The following MEIS1 variants were observed in gnomAD, a reference collection of about 807,000 sequenced individuals.
MEIS1 encodes the protein homeobox protein Meis1.
MEIS1 carries 5 observed loss-of-function variants against 50.8 expected under a neutral mutation model. That is an observed-to-expected ratio of 0.10 (90% CI 0.05 to 0.21). The LOEUF (loss-of-function observed/expected upper bound fraction) is 0.21. Among genes scored for constraint, MEIS1 ranks in the 10% least tolerant of loss-of-function variants. The pLI, the probability that MEIS1 is intolerant of heterozygous loss-of-function variation, is 1.00. For synonymous variants in MEIS1, 176 were observed against 179.3 expected (o/e 0.98, Z 0.15); for missense variants, 318 against 517.3 (o/e 0.61, Z 3.74).
chr2:66,440,011 A>G (rs1165660033), intron 3 of MEIS1, 27 bp downstream of exon 3: 1 of 1,572,366 alleles, frequency 6.4e-7, no homozygotes, highest in Non-Finnish European at 8.6e-7. Flanking sequence ...TTAAAAAGTA[A>G]AAGAAACAAA....
chr2:66,544,702 G>C (rs1239964413), intron 8 of MEIS1, among the ~76,000 whole-genome samples: 1 of 152,054 alleles, frequency 6.6e-6, no homozygotes, highest in Non-Finnish European at 1.5e-5. Context: ...AGCCTCCATA[G>C]CTTGAGGCTG....
intron 8 of MEIS1, among the ~76,000 whole-genome samples, chr2:66,521,679 GA>G (rs1254481406): frequency 1.3e-5 from 2 of 152,206 alleles, no homozygotes; most frequent in Non-Finnish European, 2.9e-5. Context: ...TAGTCACATA[GA>G]AATTGTACCA....
At chr2:66,439,568 G>C (rs949831405) in intron 2 of MEIS1, 1 of 1,520,842 alleles carries the variant, frequency 6.6e-7, no homozygotes, top group African/African-American at 1.4e-5. Flanking sequence ...GGTTTTATTC[G>C]TAGCAAATGT....
intron 7 of MEIS1, among the ~76,000 whole-genome samples, chr2:66,505,230 A>G (rs926535102): frequency 6.6e-6 from 1 of 152,124 alleles, no homozygotes; most frequent in Non-Finnish European, 1.5e-5. Context: ...CCTGGGAAAC[A>G]TAGTGAGACC....
chr2:66,439,132 C>T (rs919113031), intron 2 of MEIS1: 6 of 207,136 alleles, frequency 2.9e-5, no homozygotes, highest in Non-Finnish European at 5.0e-5. Flanking sequence ...CATCTAGGCC[C>T]CTCGCAATAC....
At chr2:66,497,733 T>C (rs1673442476) in intron 7 of MEIS1, among the ~76,000 whole-genome samples, 1 of 152,128 alleles carries the variant, frequency 6.6e-6, no homozygotes, top group South Asian at 2.1e-4. Context: ...ATCTCTAAAA[T>C]AAGATGAATA....
intron 6 of MEIS1, chr2:66,454,705 G>A (rs766433054): frequency 2.0e-5 from 3 of 151,898 alleles, no homozygotes; most frequent in Admixed American, 6.6e-5. Context: ...TAATTTGTTT[G>A]CAGAACAAGG....
intron 7 of MEIS1, among the ~76,000 whole-genome samples, chr2:66,477,699 T>G (rs1255208647): frequency 6.6e-6 from 1 of 152,186 alleles, no homozygotes; most frequent in South Asian, 2.1e-4. Flanking sequence ...CTTCCCCCTT[T>G]GCTTGACAAC....
chr2:66,546,976 G>A (rs1159221953), intron 8 of MEIS1, among the ~76,000 whole-genome samples: 1 of 152,116 alleles, frequency 6.6e-6, no homozygotes, highest in Non-Finnish European at 1.5e-5. Context: ...GGTTGGGGGT[G>A]CACTTTTCCA....
At chr2:66,441,485 T>C in intron 5 of MEIS1, 21 bp downstream of exon 5, 1 of 1,530,284 alleles carries the variant, frequency 6.5e-7, no homozygotes, top group South Asian at 1.3e-5. Context: ...TAGCCTCTTT[T>C]CCTTTTACTT....
intron 6 of MEIS1, among the ~76,000 whole-genome samples, chr2:66,463,840 C>T (rs1672575938): frequency 6.6e-6 from 1 of 152,170 alleles, no homozygotes; most frequent in Non-Finnish European, 1.5e-5. Flanking sequence ...TCCTCTTTGC[C>T]TGGAATGTTT....
At position 66,556,864 on chromosome 2, in the gene MEIS1, A is replaced by G. The variant is rs1050221873; in HGVS notation, c.965+8845A>G. Among the ~76,000 whole-genome samples, 3 of 123,338 alleles carry G rather than the reference A, an allele frequency of 2.4e-5. No homozygotes were observed. In the Admixed American group the frequency reaches 3.1e-4, roughly 13 times the overall value. The allele number at this position is 123,338 out of a possible 152,430, so 80.9% of individuals were successfully genotyped here. On this transcript the variant is annotated intron_variant, in intron 9 of 12. Coordinates refer to ENST00000272369, the MANE Select transcript of MEIS1 (RefSeq NM_002398.3). The stretch of plus-strand genomic sequence containing the variant: ...TTACCTGACAATACTGTTTACAGAA[A>G]GGAAAGTATAGTAGGTTATGGCAGA...
intron 4 of MEIS1, chr2:66,440,954 C>A (rs1325518131): frequency 5.5e-6 from 2 of 364,466 alleles, no homozygotes; most frequent in Admixed American, 4.3e-5. Flanking sequence ...TAAGTCCCAT[C>A]ACGAGGGCAG....
intron 8 of MEIS1, among the ~76,000 whole-genome samples, chr2:66,531,516 T>G (rs531981186): frequency 6.6e-6 from 1 of 152,360 alleles, no homozygotes; most frequent in South Asian, 2.1e-4. Context: ...TATTCAGTAC[T>G]GTAAGGCAAT....
rs1480361314 is a variant in MEIS1 at position 66,439,965 on chromosome 2, T to C, written c.362T>C (p.Ile121Thr). 1.2e-6 allele frequency: 2 copies of C among 1,612,282 alleles called. No homozygotes were observed. Among genetic ancestry groups the C allele is most frequent in the Non-Finnish European group, 1.7e-6 (2 of 1,179,250 alleles). ...VCSSESFNED[I>T]AVFAKQIRAE... ...TCGTCAGAGTCATTCAATGAAGATA[T>C]AGCCGTGTTCGCCAAACAGGTCAGC... The change falls in exon 3 of 13, where the codon ATA becomes ACA. Residue 121 changes from isoleucine (I) to threonine (T), a missense_variant. Coordinates refer to ENST00000272369, the MANE Select transcript of MEIS1 (RefSeq NM_002398.3).
At chr2:66,537,537 A>G (rs748239224) in intron 8 of MEIS1, among the ~76,000 whole-genome samples, 18 of 152,038 alleles carry the variant, frequency 1.2e-4, no homozygotes, top group Non-Finnish European at 2.2e-4. Flanking sequence ...TCTCCATCTC[A>G]TTCTCCCTGT....
At chr2:66,445,361 G>C (rs563645710) in intron 6 of MEIS1, 1 of 152,374 alleles carries the variant, frequency 6.6e-6, no homozygotes, top group Admixed American at 6.5e-5. Context: ...GGCCGCCGGT[G>C]GGCTCCACTG....
chr2:66,503,294 C>T (rs1200424517), intron 7 of MEIS1, among the ~76,000 whole-genome samples: 2 of 152,198 alleles, frequency 1.3e-5, no homozygotes, highest in Admixed American at 6.5e-5. Context: ...CTTACCTCTC[C>T]AGCCTCATCT....
At chr2:66,566,051 T>C (rs886351001) in intron 9 of MEIS1, among the ~76,000 whole-genome samples, 4 of 152,192 alleles carry the variant, frequency 2.6e-5, no homozygotes, top group African/African-American at 7.2e-5. Flanking sequence ...GATAACCTGA[T>C]TTGCAACACA....
Sources: gnomAD v4.1 joint callset for allele counts (sites outside exome capture counted in the v4.1 genomes callset) on GRCh38, gnomAD v4.1.1 for gene constraint, MANE v1.5 for transcripts, NCBI Gene and HGNC (gene_info 2026-07-23, HGNC 2026-07-21) for gene names.